Variants in PPM1E observed in about 807,000 individuals in gnomAD.
PPM1E encodes the protein protein phosphatase 1E.
PPM1E carries 20 observed loss-of-function variants against 65.9 expected under a neutral mutation model. The observed-to-expected ratio is 0.30, with a 90% CI of 0.21 to 0.44. PPM1E has a LOEUF of 0.44. Among genes scored for constraint, PPM1E ranks in the 20% least tolerant of loss-of-function variants. The pLI is 1.00. For synonymous variants in PPM1E, 352 were observed against 374.9 expected (o/e 0.94, Z 0.70); for missense variants, 713 against 953.1 (o/e 0.75, Z 3.32).
At chr17:58,778,274 A>T (rs1297016749) in intron 1 of PPM1E, among the ~76,000 whole-genome samples, 1 of 151,590 alleles carries the variant, frequency 6.6e-6, no homozygotes, top group Non-Finnish European at 1.5e-5. Flanking sequence ...TAATCTTTGT[A>T]TTTTTAGTAG....
chr17:58,903,305 G>C (rs2051519251), intron 1 of PPM1E, among the ~76,000 whole-genome samples: 1 of 152,144 alleles, frequency 6.6e-6, no homozygotes, highest in South Asian at 2.1e-4. Flanking sequence ...CATTTCCTTG[G>C]AGAACAGCCA....
At chr17:58,797,839 T>C (rs1239013503) in intron 1 of PPM1E, among the ~76,000 whole-genome samples, 2 of 152,226 alleles carry the variant, frequency 1.3e-5, no homozygotes, top group South Asian at 2.1e-4. Flanking sequence ...GAAAAATGTA[T>C]GGGAATTTCA....
At chr17:58,925,807 T>C (rs1371113012) in intron 1 of PPM1E, among the ~76,000 whole-genome samples, 1 of 151,862 alleles carries the variant, frequency 6.6e-6, no homozygotes, top group Non-Finnish European at 1.5e-5. Flanking sequence ...ATTGCAAAAA[T>C]TTTCTCCCGT....
intron 1 of PPM1E, among the ~76,000 whole-genome samples, chr17:58,912,679 G>A (rs549466991): frequency 9.2e-5 from 14 of 152,262 alleles, no homozygotes; most frequent in African/African-American, 2.4e-4. Flanking sequence ...ATAATGAGAC[G>A]AATGATGGCT....
chr17:58,769,462 C>T (rs762453810), intron 1 of PPM1E, among the ~76,000 whole-genome samples: 25 of 151,992 alleles, frequency 1.6e-4, no homozygotes, highest in South Asian at 8.3e-4. Flanking sequence ...CTGGGCATGG[C>T]GGTGTGTACC....
chr17:58,814,924 A>G (rs988944529), intron 1 of PPM1E, among the ~76,000 whole-genome samples: 4 of 152,228 alleles, frequency 2.6e-5, no homozygotes, highest in African/African-American at 9.6e-5. Flanking sequence ...TAGTTGTGCA[A>G]TTCTGTGATA....
At chr17:58,770,745 T>C (rs1391251472) in intron 1 of PPM1E, among the ~76,000 whole-genome samples, 2 of 152,096 alleles carry the variant, frequency 1.3e-5, no homozygotes, top group African/African-American at 2.4e-5. Flanking sequence ...TATCAAACCA[T>C]GAAACTGAAT....
At chr17:58,919,485 A>G (rs1286070759) in intron 1 of PPM1E, among the ~76,000 whole-genome samples, 1 of 152,146 alleles carries the variant, frequency 6.6e-6, no homozygotes, top group African/African-American at 2.4e-5. Flanking sequence ...TTAGATTTAC[A>G]GCGAGTTGAA....
At chr17:58,828,749 C>T (rs180911741) in intron 1 of PPM1E, among the ~76,000 whole-genome samples, 22 of 152,310 alleles carry the variant, frequency 1.4e-4, no homozygotes, top group African/African-American at 5.1e-4. Context: ...CAGGCATGAG[C>T]CACTGTGCCT....
chr17:58,756,019 G>A lies in PPM1E; in HGVS notation c.22G>A (p.Glu8Lys), dbSNP rs368178061. The change falls in exon 1 of 7, where the codon GAG becomes AAG. Residue 8 changes from glutamate to lysine, a missense_variant. Glu to Lys is a moderately conservative substitution (Grantham distance 56). Coordinates refer to ENST00000308249, the MANE Select transcript of PPM1E (RefSeq NM_014906.5). Reference protein sequence around the residue: MAGCIPEEKTYRRFLELF... With the variant: MAGCIPEKKTYRRFLELF... ...AGCGATGGCCGGCTGCATCCCTGAG[G>A]AGAAAACTTACCGGCGCTTCCTGGA... 1.2e-6 allele frequency: 2 copies of A among 1,613,926 alleles called. No homozygotes were observed. The highest frequency in any genetic ancestry group is 1.7e-6 in the Non-Finnish European group (2 of 1,179,940).
intron 1 of PPM1E, among the ~76,000 whole-genome samples, chr17:58,774,749 G>T (rs988783599): frequency 2.0e-5 from 3 of 152,068 alleles, no homozygotes; most frequent in Admixed American, 2.0e-4. Flanking sequence ...TTTTAAAAAT[G>T]TGAAATTGTT....
rs547914859 is a variant in PPM1E at position 58,864,497 on chromosome 17, A to G, written c.465-91152A>G. On this transcript the variant is annotated intron_variant, in intron 1 of 6. Transcript: ENST00000308249. ...TGTAATAAAAATACAAAAATTAGCCAGGTGTGGTGGCTTGCGCCTGTAAGT... is the reference window on the plus strand; with the variant it reads ...TGTAATAAAAATACAAAAATTAGCCGGGTGTGGTGGCTTGCGCCTGTAAGT... Among the ~76,000 whole-genome samples the G allele has an allele frequency of 3.3e-5, 5 of 151,764 alleles. No individual in the cohort carries two copies. In the East Asian group the frequency reaches 7.8e-4, roughly 24 times the overall value.
intron 1 of PPM1E, among the ~76,000 whole-genome samples, chr17:58,809,589 TCCC>T (rs1189858205): frequency 6.6e-6 from 1 of 152,024 alleles, no homozygotes; most frequent in Non-Finnish European, 1.5e-5. Flanking sequence ...TTACTATGTT[TCCC>T]AGACTGGTCT....
chr17:58,897,425 A>T, intron 1 of PPM1E, among the ~76,000 whole-genome samples: 1 of 151,736 alleles, frequency 6.6e-6, no homozygotes, highest in African/African-American at 2.4e-5. Flanking sequence ...AAAAAAAAAA[A>T]GAAAAAAGAA....
chr17:58,786,250 G>A (rs1056329579), intron 1 of PPM1E, among the ~76,000 whole-genome samples: 3 of 151,956 alleles, frequency 2.0e-5, no homozygotes, highest in Non-Finnish European at 2.9e-5. Flanking sequence ...TCCTGACCTC[G>A]TGATCTGCCC....
At chr17:58,934,926 C>CA (rs71145506) in intron 1 of PPM1E, among the ~76,000 whole-genome samples, 40,080 of 139,970 alleles carry the variant, frequency 0.29, 6,841 homozygotes, top group Middle Eastern at 0.43. Context: ...GACTCCGTCT[C>CA]AAAAAAAAAA....
intron 6 of PPM1E, among the ~76,000 whole-genome samples, chr17:58,979,152 G>A (rs2031211941): frequency 6.6e-6 from 1 of 152,224 alleles, no homozygotes; most frequent in East Asian, 1.9e-4. Flanking sequence ...GGTTCTCACA[G>A]TTGTTAATGA....
At chr17:58,872,093 T>A (rs1598621292) in intron 1 of PPM1E, among the ~76,000 whole-genome samples, 1 of 150,610 alleles carries the variant, frequency 6.6e-6, no homozygotes, top group South Asian at 2.1e-4. Flanking sequence ...AGGTCAGGAG[T>A]TTGAGACCAG....
intron 1 of PPM1E, among the ~76,000 whole-genome samples, chr17:58,948,487 A>G (rs1326415401): frequency 1.3e-5 from 2 of 152,122 alleles, no homozygotes; most frequent in African/African-American, 4.8e-5. Flanking sequence ...AAAATTCTCC[A>G]ATGAGAGTTT....
Sources: gnomAD v4.1 joint callset for allele counts (sites outside exome capture counted in the v4.1 genomes callset) on GRCh38, gnomAD v4.1.1 for gene constraint, MANE v1.5 for transcripts, NCBI Gene and HGNC (gene_info 2026-07-23, HGNC 2026-07-21) for gene names.